Variants in UHMK1 observed in about 807,000 individuals in gnomAD.
The protein encoded by UHMK1 is serine/threonine-protein kinase Kist.
In UHMK1, 18 loss-of-function variants were observed where a neutral mutation model predicts 44.0. The observed-to-expected ratio is 0.41, with a 90% confidence interval of 0.28 to 0.61. The LOEUF (loss-of-function observed/expected upper bound fraction) is 0.61. UHMK1 is among the 20% of genes least tolerant of loss of function. The probability of loss-of-function intolerance (pLI) is 0.31; values close to 1 mark genes in which losing one functional copy is unlikely to be tolerated. For missense variants in UHMK1, 463 were observed against 522.5 expected, an observed-to-expected ratio of 0.89 and a Z score of 1.11; for synonymous variants, 231 against 198.5, an observed-to-expected ratio of 1.16 and a Z score of -1.38.
intron 4 of UHMK1, among the ~76,000 whole-genome samples, chr1:162,505,799 T>A (rs1363840859): frequency 1.3e-5 from 2 of 152,196 alleles, no homozygotes. Context: ...TAGTATAGTT[T>A]CCTTTGAATA....
chr1:162,520,266 GCA>G (rs1321908767), intron 7 of UHMK1, among the ~76,000 whole-genome samples: 4 of 152,136 alleles, frequency 2.6e-5, no homozygotes, highest in African/African-American at 7.2e-5. Flanking sequence ...AAAAATATGA[GCA>G]CAGTTTTATT....
rs763533734 is a variant in UHMK1 at position 162,497,970 on chromosome 1, G to T, written c.-31G>T. On this transcript the variant is annotated 5_prime_UTR_variant, in exon 1 of 8. Coordinates refer to ENST00000489294, the MANE Select transcript of UHMK1 (RefSeq NM_175866.5). Reference sequence around the variant, plus strand: ...CCGGCCTGCCTCAGGCGTCGCGTCAGCTCCCGTGTCCGTGCCCTTAACCCA... The same window carrying T: ...CCGGCCTGCCTCAGGCGTCGCGTCATCTCCCGTGTCCGTGCCCTTAACCCA... The T allele has an allele frequency of 1.1e-5, 16 of 1,471,206 alleles. No individual in the cohort carries two copies. The highest frequency in any genetic ancestry group is 1.4e-5 in the Non-Finnish European group (16 of 1,111,820). 91.1% of individuals were successfully genotyped at this position (1,471,206 alleles called of 1,614,324 possible).
chr1:162,505,996 C>T (rs1651455145), intron 4 of UHMK1, among the ~76,000 whole-genome samples: 1 of 151,920 alleles, frequency 6.6e-6, no homozygotes, highest in African/African-American at 2.4e-5. Context: ...AGGTATAATC[C>T]ACATGATTTA....
intron 6 of UHMK1, among the ~76,000 whole-genome samples, chr1:162,517,116 T>C (rs1420240242): frequency 6.6e-6 from 1 of 152,138 alleles, no homozygotes; most frequent in Non-Finnish European, 1.5e-5. Flanking sequence ...CTGACCAACG[T>C]GGTGAAACCC....
chr1:162,522,227 T>G lies in UHMK1; in HGVS notation c.1114-177T>G, dbSNP rs576249013. On this transcript the variant is annotated intron_variant, in intron 7 of 7. Transcript: ENST00000489294. Reference sequence around the variant, plus strand: ...AGTATAGTTCATAGACCAGCAGCATTGGCATCACCTGGAAGTTTGTTTAGA... The same window carrying G: ...AGTATAGTTCATAGACCAGCAGCATGGGCATCACCTGGAAGTTTGTTTAGA... Among the ~76,000 whole-genome samples the G allele has an allele frequency of 5.3e-5, 8 of 152,314 alleles. No individual in the cohort carries two copies. In the South Asian group the frequency reaches 1.7e-3, roughly 32 times the overall value.
chr1:162,525,062 A>G lies in UHMK1; in HGVS notation c.*2512A>G, dbSNP rs996790746. On this transcript the variant is annotated 3_prime_UTR_variant, in exon 8 of 8. Transcript: ENST00000489294. ...GGCGCTTGCCACCACACCTGGCTAG[A>G]TGTTTTATATTAAAGCCAGAGAATT... 6.6e-6 allele frequency: 1 copy of G among 152,052 alleles called. No homozygotes were observed. The highest frequency in any genetic ancestry group is 1.5e-5 in the Non-Finnish European group (1 of 68,004). The allele number at this position is 152,052 out of a possible 1,614,324, so 9.4% of individuals were successfully genotyped here. A position where few individuals can be genotyped will look rare whatever the true frequency, so the allele number is the denominator to read the frequency against.
At chr1:162,502,694 C>T (rs1207158110) in intron 3 of UHMK1, among the ~76,000 whole-genome samples, 1 of 152,040 alleles carries the variant, frequency 6.6e-6, no homozygotes, top group Non-Finnish European at 1.5e-5. Context: ...CTGTTTTATC[C>T]CTTTCTATGG....
intron 4 of UHMK1, among the ~76,000 whole-genome samples, chr1:162,505,807 A>C (rs567690950): frequency 1.3e-5 from 2 of 152,334 alleles, no homozygotes; most frequent in African/African-American, 2.4e-5. Context: ...TTTCCTTTGA[A>C]TATTGGCCCT....
rs1054948687 is a variant in UHMK1, at chr1:162,526,449, T to C, written c.*3899T>C. 3.3e-5 allele frequency: 5 copies of C among 152,096 alleles called. No homozygotes were observed. The highest frequency in any genetic ancestry group is 7.2e-5 in the African/African-American group (3 of 41,420). 9.4% of individuals were successfully genotyped at this position (152,096 alleles called of 1,614,324 possible). On this transcript the variant is annotated 3_prime_UTR_variant, in exon 8 of 8. Coordinates refer to ENST00000489294, the MANE Select transcript of UHMK1 (RefSeq NM_175866.5). Reference sequence around the variant, plus strand: ...GTGGCTTTATTCAGATTCGGGTACATTGGAATCACATCATGACTTTGAGTC... The same window carrying C: ...GTGGCTTTATTCAGATTCGGGTACACTGGAATCACATCATGACTTTGAGTC...
rs958779862 is a variant in UHMK1, at chr1:162,526,402, C to T, written c.*3852C>T. The stretch of plus-strand genomic sequence containing the variant: ...CAGTAACCATCTATTTACCTAGACA[C>T]TTATGCAGGGGTACATGCTAGGTGG... On this transcript the variant is annotated 3_prime_UTR_variant, in exon 8 of 8. Transcript: ENST00000489294. 2.0e-5 allele frequency: 3 copies of T among 151,972 alleles called. No individual in the cohort carries two copies. Among genetic ancestry groups the T allele is most frequent in the African/African-American group, 7.3e-5 (3 of 41,362 alleles). The allele number at this position is 151,972 out of a possible 1,614,324, so 9.4% of individuals were successfully genotyped here.
rs777236789 is a variant in UHMK1 at position 162,500,098 on chromosome 1, T to A, written c.412T>A (p.Cys138Ser). 70 of 1,614,108 alleles carry A rather than the reference T, an allele frequency of 4.3e-5. No homozygotes were observed. The highest frequency in any genetic ancestry group is 5.8e-5 in the Non-Finnish European group (68 of 1,180,054). Reference protein sequence around the residue: ...QGCSMWMIQHCARDVLEALAF... With the variant: ...QGCSMWMIQHSARDVLEALAF... ...TTGTTCCATGTGGATGATACAGCATTGTGCCCGAGATGTTTTGGAGGCCCT... is the reference window on the plus strand; with the variant it reads ...TTGTTCCATGTGGATGATACAGCATAGTGCCCGAGATGTTTTGGAGGCCCT... The change falls in exon 2 of 8, where the codon TGT becomes AGT. Residue 138 changes from cysteine (C) to serine (S), a missense_variant. Around this residue, in one of 3 missense-constraint regions of UHMK1, gnomAD observed 264 missense variants for 326.3 expected, o/e 0.81. Coordinates refer to ENST00000489294, the MANE Select transcript of UHMK1 (RefSeq NM_175866.5).
rs1571003864 is a variant in UHMK1, at chr1:162,501,168, A to G, written c.753+64A>G. On this transcript the variant is annotated intron_variant, in intron 3 of 7. Transcript: ENST00000489294. ...TCAACTTAAGAGTATTCAATTTATG[A>G]TGATTTTTTTTTTTCTTTTGAGATG... The G allele has an allele frequency of 6.2e-6, 9 of 1,450,362 alleles. No homozygotes were observed. In the East Asian group the frequency reaches 2.2e-4, roughly 35 times the overall value. 89.8% of individuals were successfully genotyped at this position (1,450,362 alleles called of 1,614,324 possible).
At chr1:162,520,140 C>T (rs1020961474) in intron 7 of UHMK1, among the ~76,000 whole-genome samples, 1 of 152,186 alleles carries the variant, frequency 6.6e-6, no homozygotes, top group African/African-American at 2.4e-5. Context: ...AGATCCAACC[C>T]GATTCAGTCT....
In UHMK1 at chr1:162,500,216, A is replaced by T; in HGVS notation, c.530A>T (p.Asp177Val). Residue 177 changes from aspartate (D) to valine (V), a missense_variant, in exon 2 of 8, where the codon GAC (aspartate) becomes GTC (valine). Asp to Val is a radical substitution (Grantham distance 152, BLOSUM62 -3). Transcript: ENST00000489294. Reference protein sequence around the residue: ...SAENECFKLIDFGLSFKEGNQ... With the variant: ...SAENECFKLIVFGLSFKEGNQ... ...GAGAATGAATGTTTTAAACTCATTG[A>T]CTTTGGACTTAGCTTCAAAGAAGGC... The T allele has an allele frequency of 6.2e-7, 1 of 1,611,856 alleles. No homozygotes were observed. Among genetic ancestry groups the T allele is most frequent in the Non-Finnish European group, 8.5e-7 (1 of 1,178,038 alleles).
intron 3 of UHMK1, among the ~76,000 whole-genome samples, chr1:162,502,642 A>G (rs1651312597): frequency 1.3e-5 from 2 of 152,190 alleles, no homozygotes; most frequent in African/African-American, 4.8e-5. Context: ...ATGTGTAGTA[A>G]TGGGATCTCC....
chr1:162,497,702 T>C (rs1651096745), upstream of UHMK1: 2 of 967,952 alleles, frequency 2.1e-6, no homozygotes, highest in Non-Finnish European at 2.7e-6. Flanking sequence ...AGGTTACTTC[T>C]TATTCTCGGT....
At chr1:162,510,858 A>C (rs1571011898) in intron 4 of UHMK1, among the ~76,000 whole-genome samples, 1 of 151,958 alleles carries the variant, frequency 6.6e-6, no homozygotes, top group Admixed American at 6.6e-5. Flanking sequence ...GTTCTTTTTT[A>C]AAAATTTTTT....
chr1:162,510,472 G>A (rs113178872), intron 4 of UHMK1, among the ~76,000 whole-genome samples: 266 of 152,234 alleles, frequency 1.7e-3, no homozygotes, highest in African/African-American at 6.1e-3. Flanking sequence ...GTGAGATCAT[G>A]CTGTATTTGT....
At chr1:162,503,587 G>A (rs1651355652) in intron 3 of UHMK1, among the ~76,000 whole-genome samples, 167 bp from the exon 4 acceptor site, 1 of 146,544 alleles carries the variant, frequency 6.8e-6, no homozygotes, top group South Asian at 2.2e-4. Context: ...CTACAGCCTG[G>A]GTGGCAGAGC....
Sources: gnomAD v4.1 joint callset for allele counts (sites outside exome capture counted in the v4.1 genomes callset) on GRCh38, gnomAD v4.1.1 for gene constraint, gnomAD v4.1.1 regional missense constraint, MANE v1.5 for transcripts, NCBI Gene and HGNC (gene_info 2026-07-23, HGNC 2026-07-21) for gene names.